The following TAF1B variants were observed in gnomAD, a reference collection of about 807,000 sequenced individuals.
TAF1B encodes TATA-box binding protein associated factor, RNA polymerase I subunit B, also known as TATA box-binding protein-associated factor RNA polymerase I subunit B.
A neutral mutation model predicts 83.9 loss-of-function variants in TAF1B; 61 were observed. The observed-to-expected ratio is 0.73, with a 90% CI of 0.59 to 0.90. The LOEUF (loss-of-function observed/expected upper bound fraction) is 0.90, where lower values mean the gene tolerates loss of function less well. TAF1B is among the 40% of genes least tolerant of loss of function. The pLI is 0.00. For synonymous variants in TAF1B, 221 were observed against 224.6 expected (o/e 0.98, Z 0.14); for missense variants, 625 against 677.0 (o/e 0.92, Z 0.85).
At chr2:9,846,604 T>C (rs6743707) in intron 2 of TAF1B, among the ~76,000 whole-genome samples, 9,450 of 152,276 alleles carry the variant, frequency 0.062, 323 homozygotes, top group African/African-American at 0.077. Flanking sequence ...ATATATTAAA[T>C]GAGTAAAAGG....
chr2:9,861,325 T>C (rs1490396776), intron 5 of TAF1B, among the ~76,000 whole-genome samples: 1 of 152,254 alleles, frequency 6.6e-6, no homozygotes, highest in African/African-American at 2.4e-5. Context: ...TGGAGGGTGC[T>C]ATGCCCATGG....
At chr2:9,891,077 T>G (rs1198694037) in intron 8 of TAF1B, among the ~76,000 whole-genome samples, 1 of 152,232 alleles carries the variant, frequency 6.6e-6, no homozygotes, top group African/African-American at 2.4e-5. Flanking sequence ...TGGCCTACTC[T>G]CTTACTTTAA....
intron 8 of TAF1B, among the ~76,000 whole-genome samples, chr2:9,893,251 CTACT>C (rs1664924452): frequency 6.6e-6 from 1 of 152,060 alleles, no homozygotes; most frequent in Admixed American, 6.6e-5. Context: ...GTCTACCTAC[CTACT>C]TGTGTATCTG....
intron 8 of TAF1B, among the ~76,000 whole-genome samples, chr2:9,888,780 C>T (rs1324959259): frequency 1.5e-4 from 8 of 53,222 alleles, no homozygotes; most frequent in Non-Finnish European, 2.1e-4. Flanking sequence ...CTTTATGTTT[C>T]TTCTGCTTGG....
intron 1 of TAF1B, among the ~76,000 whole-genome samples, 165 bp from the exon 2 acceptor site, chr2:9,845,055 G>A (rs1236406296): frequency 6.6e-6 from 1 of 151,588 alleles, no homozygotes; most frequent in Admixed American, 6.6e-5. Flanking sequence ...GTTTCATACC[G>A]CGCCTCTCCT....
intron 8 of TAF1B, among the ~76,000 whole-genome samples, chr2:9,895,413 A>T (rs1462671147): frequency 6.6e-6 from 1 of 152,182 alleles, no homozygotes; most frequent in Non-Finnish European, 1.5e-5. Flanking sequence ...AGGTGGGAGG[A>T]TCACCTGAGC....
At chr2:9,917,881 G>C (rs2125177632) in intron 12 of TAF1B, among the ~76,000 whole-genome samples, 1 of 151,864 alleles carries the variant, frequency 6.6e-6, no homozygotes, top group African/African-American at 2.4e-5. Flanking sequence ...GACCATCCCG[G>C]CTAAAACGGT....
At chr2:9,908,028 CTTTTTTTTTTTTTTTTTT>C (rs57261740) in intron 9 of TAF1B, among the ~76,000 whole-genome samples, 869 of 71,798 alleles carry the variant, frequency 0.012, 13 homozygotes, top group Admixed American at 0.022. Flanking sequence ...GATCTTAATT[CTTTTTTTTTTTTTTTTTT>C]TTTTTTTTTT....
chr2:9,854,267 G>A (rs1160933527), intron 4 of TAF1B, 59 bp from the exon 5 acceptor site: 4 of 1,140,112 alleles, frequency 3.5e-6, no homozygotes, highest in Non-Finnish European at 5.3e-6. Flanking sequence ...GTGTAGATGT[G>A]CCTGTACATT....
chr2:9,884,103 C>T (rs1031887805), intron 8 of TAF1B, among the ~76,000 whole-genome samples: 1 of 152,216 alleles, frequency 6.6e-6, no homozygotes, highest in Non-Finnish European at 1.5e-5. Context: ...TCAGATATGC[C>T]ACCTGCTGCA....
chr2:9,923,163 G>A (rs572668776), intron 14 of TAF1B, among the ~76,000 whole-genome samples: 39 of 151,070 alleles, frequency 2.6e-4, no homozygotes, highest in African/African-American at 8.8e-4. Flanking sequence ...ACTTGAACCC[G>A]GGAGGCATTG....
chr2:9,857,361 A>G (rs1420718114), intron 5 of TAF1B, among the ~76,000 whole-genome samples: 1 of 152,204 alleles, frequency 6.6e-6, no homozygotes, highest in African/African-American at 2.4e-5. Context: ...GATTCTATAT[A>G]AAGTCTGAAG....
intron 8 of TAF1B, among the ~76,000 whole-genome samples, chr2:9,885,503 A>C (rs1664646577): frequency 6.6e-6 from 1 of 152,262 alleles, no homozygotes; most frequent in Non-Finnish European, 1.5e-5. Flanking sequence ...TTTTTACAGC[A>C]AAACTGGTTT....
At chr2:9,862,016 G>A (rs1189921345) in intron 5 of TAF1B, among the ~76,000 whole-genome samples, 2 of 151,538 alleles carry the variant, frequency 1.3e-5, no homozygotes, top group Non-Finnish European at 1.5e-5. Context: ...CAGAAAAACT[G>A]TAAACTCTAA....
chr2:9,903,786 A>G (rs1042252832), intron 8 of TAF1B, among the ~76,000 whole-genome samples: 6 of 152,202 alleles, frequency 3.9e-5, no homozygotes, highest in Non-Finnish European at 5.9e-5. Flanking sequence ...TCATGACAAC[A>G]TTATAACTCT....
In TAF1B at chr2:9,918,051, G is replaced by A. The variant is rs575048872; in HGVS notation, c.1272-990G>A. The stretch of plus-strand genomic sequence containing the variant: ...CCCACCACTGCACTCCAGCCTGGGC[G>A]ACAGAGCGAGACTCCGTCTCAAAAA... On this transcript the variant is annotated intron_variant, in intron 12 of 14. Coordinates refer to ENST00000263663, the MANE Select transcript of TAF1B (RefSeq NM_005680.3). Among the ~76,000 whole-genome samples the A allele has an allele frequency of 2.4e-3, 351 of 149,100 alleles. 2 individuals carry two copies. The highest frequency in any genetic ancestry group is 4.2e-3 in the Non-Finnish European group (282 of 67,260).
chr2:9,933,714 T>G (rs1227455064), intron 14 of TAF1B, 69 bp from the exon 15 acceptor site: 6 of 1,296,134 alleles, frequency 4.6e-6, no homozygotes, highest in Non-Finnish European at 6.5e-6. Context: ...GGGGGGATGT[T>G]CAGGGGTTAG....
At chr2:9,932,047 G>A (rs10211204) in intron 14 of TAF1B, among the ~76,000 whole-genome samples, 127,880 of 152,176 alleles carry the variant, frequency 0.84, 54,050 homozygotes, top group Middle Eastern at 0.91. Context: ...TACGCTGTTT[G>A]TTCTAGTTAG....
intron 8 of TAF1B, among the ~76,000 whole-genome samples, chr2:9,899,606 AG>A (rs1480897655): frequency 1.3e-5 from 2 of 152,196 alleles, no homozygotes; most frequent in Non-Finnish European, 2.9e-5. Flanking sequence ...AAGTGCAATT[AG>A]TGGATCATAT....
Sources: allele counts gnomAD v4.1 joint callset (sites outside exome capture counted in the v4.1 genomes callset), GRCh38; gene constraint gnomAD v4.1.1; transcripts MANE v1.5; gene names NCBI Gene and HGNC (gene_info 2026-07-23, HGNC 2026-07-21).